The following COQ10B variants were observed in gnomAD, a reference collection of about 807,000 sequenced individuals.
The protein encoded by COQ10B is coenzyme Q-binding protein COQ10 homolog B, mitochondrial.
COQ10B carries 12 observed loss-of-function variants against 27.6 expected under a neutral mutation model. That is an observed-to-expected ratio of 0.43 (90% CI 0.28 to 0.70). The LOEUF is 0.70. Among genes scored for constraint, COQ10B ranks in the 30% least tolerant of loss-of-function variants. The pLI is 0.17. For synonymous variants in COQ10B, 115 were observed against 103.0 expected (o/e 1.12, Z -0.71); for missense variants, 278 against 288.7 (o/e 0.96, Z 0.27).
At chr2:197,461,584 TG>T (rs1461406756) in intron 2 of COQ10B, among the ~76,000 whole-genome samples, 2 of 151,266 alleles carry the variant, frequency 1.3e-5, no homozygotes, top group African/African-American at 4.9e-5. Context: ...TGTGTGTGTG[TG>T]TGTGTGTGTG....
At chr2:197,461,833 G>A (rs766385413) in intron 2 of COQ10B, among the ~76,000 whole-genome samples, 1 of 151,982 alleles carries the variant, frequency 6.6e-6, no homozygotes, top group Non-Finnish European at 1.5e-5. Flanking sequence ...TAGAGACCGG[G>A]TTTTACCATG....
At position 197,458,660 on chromosome 2, in the gene COQ10B, G is replaced by C. The variant is rs550937056; in HGVS notation, c.105-1272G>C. Among the ~76,000 whole-genome samples the C allele has an allele frequency of 4.0e-5, 6 of 151,368 alleles. No homozygotes were observed. In the East Asian group the frequency reaches 7.7e-4, roughly 20 times the overall value. On this transcript the variant is annotated intron_variant, in intron 1 of 4. Coordinates refer to ENST00000263960, the MANE Select transcript of COQ10B (RefSeq NM_025147.5). Reference sequence around the variant, plus strand: ...TAGTGTCAAATAGTCAAATAGTTACGTAATAATCTTTTTTCTTTTCTCTTT... The same window carrying C: ...TAGTGTCAAATAGTCAAATAGTTACCTAATAATCTTTTTTCTTTTCTCTTT...
At chr2:197,455,765 G>C (rs1345819733) in intron 1 of COQ10B, among the ~76,000 whole-genome samples, 2 of 152,068 alleles carry the variant, frequency 1.3e-5, no homozygotes, top group Admixed American at 1.3e-4. Context: ...TTTGAGACCA[G>C]CTTGGGCAAC....
intron 3 of COQ10B, among the ~76,000 whole-genome samples, chr2:197,463,964 A>AATATATATAT (rs879356506): frequency 3.5e-5 from 1 of 28,182 alleles, no homozygotes; most frequent in Non-Finnish European, 6.1e-5. Context: ...AAAAAAAAAA[A>AATATATATAT]ATATATATAT....
chr2:197,455,476 T>A (rs1460867718), intron 1 of COQ10B, among the ~76,000 whole-genome samples: 2 of 148,322 alleles, frequency 1.3e-5, no homozygotes, highest in Admixed American at 6.8e-5. Context: ...GAAAAAAAAA[T>A]GTGTGTGTGT....
At chr2:197,473,696 A>G (rs2085917227) in intron 4 of COQ10B, 61 bp from the exon 5 acceptor site, 2 of 173,780 alleles carry the variant, frequency 1.2e-5, no homozygotes, top group South Asian at 3.7e-4. Context: ...CAGGAAAACC[A>G]AAAAAAAAAA....
chr2:197,455,321 GGT>G (rs1193851116), intron 1 of COQ10B, among the ~76,000 whole-genome samples: 2 of 152,024 alleles, frequency 1.3e-5, no homozygotes, highest in African/African-American at 4.8e-5. Flanking sequence ...AATCAACGTA[GGT>G]GTCCAACAAC....
chr2:197,468,442 CA>C (rs760008326), intron 3 of COQ10B, among the ~76,000 whole-genome samples: 823 of 63,970 alleles, frequency 0.013, 4 homozygotes, highest in East Asian at 0.037. Flanking sequence ...GACTCCGTCT[CA>C]AAAAAAAAAA....
chr2:197,459,855 ACTTT>A, intron 1 of COQ10B, 73 bp from the exon 2 acceptor site: 1 of 1,117,690 alleles, frequency 8.9e-7, no homozygotes, highest in Non-Finnish European at 1.3e-6. Flanking sequence ...GTGGATAATT[ACTTT>A]ATAGTTTCTA....
In COQ10B at chr2:197,473,891, G is replaced by C. The variant is rs1227042991; in HGVS notation, c.684G>C (p.Arg228=). ...KLYGPETNIP[R]ELMLHEVHHT is the part of the protein sequence containing the mutation. The stretch of plus-strand genomic sequence containing the variant: ...ATGGTCCAGAAACAAATATACCTCG[G>C]GAGTTAATGCTTCATGAAGTCCATC... The change falls in exon 5 of 5, where the codon CGG becomes CGC. Residue 228 remains arginine, a synonymous_variant. Transcript: ENST00000263960. The C allele has an allele frequency of 6.3e-7, 1 of 1,580,064 alleles. No homozygotes were observed. The highest frequency in any genetic ancestry group is 1.8e-5 in the Admixed American group (1 of 56,908).
intron 1 of COQ10B, chr2:197,453,948 C>G (rs2085666440): frequency 6.5e-7 from 1 of 1,549,828 alleles, no homozygotes; most frequent in Admixed American, 2.0e-5. Context: ...TTGGGCTCTT[C>G]CGGTCTCCTC....
At chr2:197,457,418 C>T (rs1362184884) in intron 1 of COQ10B, among the ~76,000 whole-genome samples, 2 of 152,054 alleles carry the variant, frequency 1.3e-5, no homozygotes, top group African/African-American at 4.8e-5. Flanking sequence ...TTGTATGTAT[C>T]GAAACATAGA....
At chr2:197,464,947 G>A (rs985216812) in intron 3 of COQ10B, among the ~76,000 whole-genome samples, 1 of 149,544 alleles carries the variant, frequency 6.7e-6, no homozygotes, top group Non-Finnish European at 1.5e-5. Context: ...TTCCAGTGGC[G>A]TGATCTTGGC....
chr2:197,462,268 CAA>C (rs59048976), intron 2 of COQ10B, among the ~76,000 whole-genome samples: 18 of 87,086 alleles, frequency 2.1e-4, no homozygotes, highest in Admixed American at 3.9e-4. Context: ...GACTCCATCT[CAA>C]AAAAAAAAAA....
chr2:197,467,943 T>C (rs1450213629), intron 3 of COQ10B, among the ~76,000 whole-genome samples: 1 of 152,160 alleles, frequency 6.6e-6, no homozygotes, highest in African/African-American at 2.4e-5. Flanking sequence ...TTTGTATGGA[T>C]TAGTTTATAT....
chr2:197,454,241 T>C (rs943675060), intron 1 of COQ10B: 75 of 1,137,990 alleles, frequency 6.6e-5, no homozygotes, highest in Non-Finnish European at 8.3e-5. Context: ...GCTTTCGATT[T>C]TCCTGGTTGG....
chr2:197,461,401 G>A (rs942538782), intron 2 of COQ10B, among the ~76,000 whole-genome samples: 1 of 152,096 alleles, frequency 6.6e-6, no homozygotes, highest in African/African-American at 2.4e-5. Context: ...CCATCTAAAC[G>A]CAGTGGAAAT....
chr2:197,459,080 G>A (rs1202981891), intron 1 of COQ10B, among the ~76,000 whole-genome samples: 2 of 152,144 alleles, frequency 1.3e-5, no homozygotes, highest in Non-Finnish European at 2.9e-5. Context: ...TAAGTTTCTG[G>A]TTAACTAGAC....
At chr2:197,470,696 A>G (rs1042296191) in intron 4 of COQ10B, among the ~76,000 whole-genome samples, 1 of 152,174 alleles carries the variant, frequency 6.6e-6, no homozygotes, top group African/African-American at 2.4e-5. Context: ...GGAGTTCGAG[A>G]CCAGCCTGAC....
Sources: gnomAD v4.1 joint callset for allele counts (sites outside exome capture counted in the v4.1 genomes callset) on GRCh38, gnomAD v4.1.1 for gene constraint, MANE v1.5 for transcripts, NCBI Gene and HGNC (gene_info 2026-07-23, HGNC 2026-07-21) for gene names.